The following MIPOL1 variants were observed in gnomAD, a reference collection of about 807,000 sequenced individuals.
MIPOL1 encodes mirror-image polydactyly gene 1 protein.
Under a neutral mutation model 60.9 loss-of-function variants are expected in MIPOL1, and 57 were observed. The ratio of observed to expected loss-of-function variants is 0.94; its 90% CI spans 0.76 to 1.17. The LOEUF (loss-of-function observed/expected upper bound fraction) is 1.17. MIPOL1 is among the 50% of genes most tolerant of loss of function. The probability of loss-of-function intolerance (pLI) is 0.00; values close to 1 mark genes in which losing one functional copy is unlikely to be tolerated. For synonymous variants in MIPOL1, 179 were observed against 168.8 expected (o/e 1.06, Z -0.47); for missense variants, 551 against 511.6 (o/e 1.08, Z -0.74).
At chr14:37,382,203 T>G (rs2092943201) in intron 10 of MIPOL1, among the ~76,000 whole-genome samples, 1 of 152,074 alleles carries the variant, frequency 6.6e-6, no homozygotes, top group African/African-American at 2.4e-5. Flanking sequence ...CTAAAGTGAT[T>G]TGGAATAAGT....
intron 10 of MIPOL1, among the ~76,000 whole-genome samples, chr14:37,399,361 C>T (rs2093438254): frequency 6.6e-6 from 1 of 152,222 alleles, no homozygotes; most frequent in South Asian, 2.1e-4. Context: ...TCTCCTTCTC[C>T]AGTATGTCCA....
intron 12 of MIPOL1, among the ~76,000 whole-genome samples, chr14:37,543,606 C>G (rs747993058): frequency 3.9e-5 from 6 of 152,108 alleles, no homozygotes; most frequent in Non-Finnish European, 7.4e-5. Flanking sequence ...GGTAAAATGT[C>G]ATAACATAAA....
intron 12 of MIPOL1, among the ~76,000 whole-genome samples, chr14:37,510,779 A>G (rs188598518): frequency 1.9e-4 from 29 of 152,296 alleles, no homozygotes; most frequent in Admixed American, 1.1e-3. Flanking sequence ...GGAAAATTTC[A>G]GATATACTCC....
intron 10 of MIPOL1, among the ~76,000 whole-genome samples, chr14:37,414,327 A>G (rs2093728066): frequency 6.6e-6 from 1 of 152,188 alleles, no homozygotes; most frequent in South Asian, 2.1e-4. Context: ...GTCATTTTAC[A>G]TCTTAGCCAG....
intron 1 of MIPOL1, among the ~76,000 whole-genome samples, chr14:37,216,062 C>CAAAAAAAAAAAAAAAAA (rs71449980): frequency 2.3e-5 from 2 of 85,838 alleles, no homozygotes; most frequent in Non-Finnish European, 4.7e-5. Context: ...ACCTCCATCT[C>CAAAAAAAAAAAAAAAAA]AAAAAAAAAA....
intron 12 of MIPOL1, among the ~76,000 whole-genome samples, chr14:37,524,672 A>G (rs181198919): frequency 6.7e-5 from 10 of 150,176 alleles, no homozygotes; most frequent in East Asian, 5.9e-4. Flanking sequence ...GGTTCAAGCA[A>G]TTCTCTGCCT....
chr14:37,452,904 T>G (rs1414052128), intron 11 of MIPOL1, among the ~76,000 whole-genome samples: 1 of 152,222 alleles, frequency 6.6e-6, no homozygotes, highest in East Asian at 1.9e-4. Flanking sequence ...AGTAGCAGGA[T>G]GTTCATTCTC....
intron 2 of MIPOL1, 105 bp from the exon 3 acceptor site, chr14:37,247,724 A>G: frequency 1.7e-6 from 1 of 582,796 alleles, no homozygotes; most frequent in Non-Finnish European, 3.0e-6. Flanking sequence ...TAAATGTTTT[A>G]GAAAACCATT....
intron 1 of MIPOL1, among the ~76,000 whole-genome samples, chr14:37,241,948 C>CCAAGCAAACACGCCAG (rs1972431675): frequency 7.0e-6 from 1 of 143,298 alleles, no homozygotes; most frequent in South Asian, 2.2e-4. Flanking sequence ...TCTAGTTAAT[C>CCAAGCAAACACGCCAG]CAAGCAAACA....
chr14:37,270,890 G>A (rs934894843), intron 6 of MIPOL1, among the ~76,000 whole-genome samples: 2 of 151,936 alleles, frequency 1.3e-5, no homozygotes, highest in African/African-American at 2.4e-5. Context: ...GTTTTAGCTC[G>A]TTGAGAGGAA....
intron 3 of MIPOL1, among the ~76,000 whole-genome samples, chr14:37,254,850 C>T (rs563874145): frequency 4.0e-5 from 6 of 151,840 alleles, no homozygotes; most frequent in Admixed American, 1.3e-4. Flanking sequence ...AGGACCTTTT[C>T]TCCCCCGTTT....
intron 7 of MIPOL1, among the ~76,000 whole-genome samples, chr14:37,296,852 T>A (rs2085765206): frequency 6.6e-6 from 1 of 152,162 alleles, no homozygotes; most frequent in South Asian, 2.1e-4. Flanking sequence ...CCAGATGGAT[T>A]CACAGCCGAA....
In MIPOL1 at chr14:37,260,109, T is replaced by G. The variant is rs1204323733; in HGVS notation, c.20-6829T>G. 7.2e-5 allele frequency among the ~76,000 whole-genome samples: 11 copies of G among 151,956 alleles called. 1 individual carries two copies. The highest frequency in any genetic ancestry group is 6.6e-4 in the Admixed American group (10 of 15,214). On this transcript the variant is annotated intron_variant, in intron 3 of 12. Coordinates refer to ENST00000684589, the MANE Select transcript of MIPOL1 (RefSeq NM_001388067.1). ...TCCATATATTCTTTAGCTGATTTTC[T>G]AATTCAGTATTTCTGGCCAGATGCG...
At chr14:37,222,810 C>T (rs1318237717) in intron 1 of MIPOL1, among the ~76,000 whole-genome samples, 1 of 152,130 alleles carries the variant, frequency 6.6e-6, no homozygotes, top group Non-Finnish European at 1.5e-5. Context: ...TTTTTCTAGC[C>T]TGTTCCTCCA....
At chr14:37,454,102 A>C (rs2153577048) in intron 11 of MIPOL1, among the ~76,000 whole-genome samples, 1 of 152,360 alleles carries the variant, frequency 6.6e-6, no homozygotes, top group South Asian at 2.1e-4. Context: ...GGAATAAATA[A>C]GGAATTGACA....
At chr14:37,207,734 TGG>T (rs200246842) in intron 1 of MIPOL1, among the ~76,000 whole-genome samples, 11,064 of 151,932 alleles carry the variant, frequency 0.073, 1,352 homozygotes, top group African/African-American at 0.25. Context: ...TTAGTAGAGA[TGG>T]GGTTTTACCA....
At chr14:37,213,316 A>G (rs941135023) in intron 1 of MIPOL1, among the ~76,000 whole-genome samples, 5 of 152,320 alleles carry the variant, frequency 3.3e-5, no homozygotes, top group Non-Finnish European at 7.3e-5. Context: ...AAGAAATTCA[A>G]GATAACACAG....
At chr14:37,359,137 TG>T (rs1281225940) in intron 9 of MIPOL1, among the ~76,000 whole-genome samples, 3 of 152,180 alleles carry the variant, frequency 2.0e-5, no homozygotes, top group Non-Finnish European at 4.4e-5. Flanking sequence ...GAAGACCAAA[TG>T]GTTGTAGGTG....
At position 37,302,635 on chromosome 14, in the gene MIPOL1, T is replaced by G. The variant is rs369658170; in HGVS notation, c.624-5421T>G. 3.4e-5 allele frequency among the ~76,000 whole-genome samples: 5 copies of G among 146,210 alleles called. No homozygotes were observed. In the East Asian group the frequency reaches 9.9e-4, roughly 29 times the overall value. ...AAATTTTGATAACATTAAAAAATCT[T>G]TTTTTTTTTTTTTGCTTATGGACAT... On this transcript the variant is annotated intron_variant, in intron 7 of 12. Coordinates refer to ENST00000684589, the MANE Select transcript of MIPOL1 (RefSeq NM_001388067.1).
Sources: gnomAD v4.1 joint callset for allele counts (sites outside exome capture counted in the v4.1 genomes callset) on GRCh38, gnomAD v4.1.1 for gene constraint, MANE v1.5 for transcripts, NCBI Gene and HGNC (gene_info 2026-07-23, HGNC 2026-07-21) for gene names.